LRRC8D: variants seen among roughly 807,000 people sequenced by gnomAD.
LRRC8D encodes the protein leucine rich repeat containing 8 VRAC subunit D.
Under a neutral mutation model 55.8 loss-of-function variants are expected in LRRC8D, and 20 were observed. The observed-to-expected ratio is 0.36, with a 90% CI of 0.25 to 0.52. The LOEUF (loss-of-function observed/expected upper bound fraction) is 0.52. LRRC8D is among the 20% of genes least tolerant of loss of function. The pLI is 0.93. For missense variants in LRRC8D, 651 were observed against 1,030.8 expected, an observed-to-expected ratio of 0.63 and a Z score of 5.05; for synonymous variants, 352 against 377.0, an observed-to-expected ratio of 0.93 and a Z score of 0.77.
intron 2 of LRRC8D, among the ~76,000 whole-genome samples, chr1:89,927,475 G>A (rs1357904402): frequency 2.6e-5 from 4 of 152,180 alleles, no homozygotes; most frequent in Non-Finnish European, 4.4e-5. Context: ...ACAATTTAGA[G>A]CTAATACAAA....
At chr1:89,854,410 G>A (rs534534043) in intron 2 of LRRC8D, among the ~76,000 whole-genome samples, 2 of 151,818 alleles carry the variant, frequency 1.3e-5, no homozygotes, top group Admixed American at 6.6e-5. Context: ...ATAGAGTACT[G>A]TAATATGAAT....
intron 2 of LRRC8D, among the ~76,000 whole-genome samples, chr1:89,890,091 G>C (rs1256454260): frequency 6.6e-6 from 1 of 152,216 alleles, no homozygotes; most frequent in Non-Finnish European, 1.5e-5. Flanking sequence ...GGAGGCTGAG[G>C]CAGGAGAATG....
intron 1 of LRRC8D, chr1:89,842,898 T>C (rs1330416802): frequency 6.6e-6 from 1 of 152,246 alleles, no homozygotes; most frequent in African/African-American, 2.4e-5. Context: ...GGAATTGGTA[T>C]ATATAAATGT....
chr1:89,898,433 TACTC>T (rs931267955), intron 2 of LRRC8D, among the ~76,000 whole-genome samples: 3 of 152,188 alleles, frequency 2.0e-5, no homozygotes, highest in African/African-American at 7.2e-5. Flanking sequence ...ACGAAGGAAA[TACTC>T]TCACTTCCTG....
At chr1:89,824,536 A>G (rs1196565603) in intron 1 of LRRC8D, among the ~76,000 whole-genome samples, 1 of 152,198 alleles carries the variant, frequency 6.6e-6, no homozygotes, top group Non-Finnish European at 1.5e-5. Context: ...TCCTGAAGAC[A>G]GGTTATTACA....
intron 2 of LRRC8D, among the ~76,000 whole-genome samples, chr1:89,849,709 G>T (rs1661364690): frequency 6.6e-6 from 1 of 151,770 alleles, no homozygotes; most frequent in African/African-American, 2.4e-5. Flanking sequence ...TTTCTGTTGG[G>T]TCTCTTGCCT....
intron 1 of LRRC8D, among the ~76,000 whole-genome samples, chr1:89,842,128 G>A (rs1033845178): frequency 1.3e-5 from 2 of 149,314 alleles, no homozygotes; most frequent in Admixed American, 6.7e-5. Flanking sequence ...CAGGAGAATC[G>A]TTTGAACCCG....
intron 2 of LRRC8D, among the ~76,000 whole-genome samples, chr1:89,853,426 A>G (rs1314449177): frequency 2.6e-5 from 4 of 152,242 alleles, no homozygotes; most frequent in Non-Finnish European, 5.9e-5. Context: ...CGTGGTAGCC[A>G]TGAATGTCGT....
chr1:89,903,914 G>C (rs1360719578), intron 2 of LRRC8D, among the ~76,000 whole-genome samples: 1 of 152,134 alleles, frequency 6.6e-6, no homozygotes, highest in Non-Finnish European at 1.5e-5. Flanking sequence ...TCTGGTATCT[G>C]ATATTCACAC....
intron 1 of LRRC8D, among the ~76,000 whole-genome samples, chr1:89,831,699 G>T (rs147342400): frequency 3.3e-3 from 496 of 152,196 alleles, no homozygotes; most frequent in African/African-American, 0.011. Context: ...TAATGTGTAC[G>T]GTGGCTTCTA....
At chr1:89,855,615 C>T (rs1661533220) in intron 2 of LRRC8D, among the ~76,000 whole-genome samples, 1 of 152,158 alleles carries the variant, frequency 6.6e-6, no homozygotes, top group South Asian at 2.1e-4. Flanking sequence ...TTTTGTGAGG[C>T]ATCTTTTAAA....
chr1:89,896,229 G>T, intron 2 of LRRC8D, among the ~76,000 whole-genome samples: 1 of 152,158 alleles, frequency 6.6e-6, no homozygotes, highest in East Asian at 1.9e-4. Context: ...GAGTGGGAGG[G>T]TAGAGGGGTG....
intron 2 of LRRC8D, among the ~76,000 whole-genome samples, chr1:89,927,330 T>A (rs887743399): frequency 1.3e-5 from 2 of 152,258 alleles, no homozygotes; most frequent in African/African-American, 4.8e-5. Flanking sequence ...AGTGGAAGCC[T>A]GAGTGTACAG....
At chr1:89,823,733 C>G (rs1032657803) in intron 1 of LRRC8D, among the ~76,000 whole-genome samples, 1 of 152,072 alleles carries the variant, frequency 6.6e-6, no homozygotes, top group Admixed American at 6.6e-5. Flanking sequence ...AGAGGATTCT[C>G]GTAGTAATCA....
At chr1:89,845,363 A>G (rs1661248272) in intron 2 of LRRC8D, among the ~76,000 whole-genome samples, 1 of 152,234 alleles carries the variant, frequency 6.6e-6, no homozygotes, top group African/African-American at 2.4e-5. Context: ...CGTAAGTTTG[A>G]ATTTAATTGT....
intron 1 of LRRC8D, among the ~76,000 whole-genome samples, chr1:89,830,213 T>C (rs1344459454): frequency 6.6e-6 from 1 of 152,212 alleles, no homozygotes; most frequent in Non-Finnish European, 1.5e-5. Context: ...TGGAGTGAAT[T>C]TATTCTGTTC....
At chr1:89,871,156 G>A (rs1661997341) in intron 2 of LRRC8D, among the ~76,000 whole-genome samples, 2 of 152,144 alleles carry the variant, frequency 1.3e-5, no homozygotes, top group South Asian at 4.1e-4. Flanking sequence ...CTGCTAGAAG[G>A]TACAGACTCC....
chr1:89,851,429 T>C (rs1273386140), intron 2 of LRRC8D, among the ~76,000 whole-genome samples: 4 of 152,242 alleles, frequency 2.6e-5, no homozygotes, highest in Non-Finnish European at 4.4e-5. Context: ...TATGTCACAC[T>C]GAATGCTAGG....
At chr1:89,899,384 GC>G (rs1662792579) in intron 2 of LRRC8D, among the ~76,000 whole-genome samples, 1 of 152,210 alleles carries the variant, frequency 6.6e-6, no homozygotes, top group African/African-American at 2.4e-5. Flanking sequence ...TAGTTCGCCA[GC>G]CATTGCTGCT....
Sources: allele counts gnomAD v4.1 joint callset (sites outside exome capture counted in the v4.1 genomes callset), GRCh38; gene constraint gnomAD v4.1.1; transcripts MANE v1.5; gene names NCBI Gene and HGNC (gene_info 2026-07-23, HGNC 2026-07-21).